ESF1: variants seen among roughly 807,000 people sequenced by gnomAD.
The protein encoded by ESF1 is ESF1 nucleolar pre-rRNA processing protein.
In ESF1, 58 loss-of-function variants were observed where a neutral mutation model predicts 92.0. That is an observed-to-expected ratio of 0.63 (90% CI 0.51 to 0.78). The LOEUF is 0.78. ESF1 is among the 30% of genes least tolerant of loss of function. ESF1 has a pLI of 0.00. For missense variants in ESF1, 922 were observed against 989.1 expected, an observed-to-expected ratio of 0.93 and a Z score of 0.91; for synonymous variants, 321 against 313.7, an observed-to-expected ratio of 1.02 and a Z score of -0.24.
In ESF1 at chr20:13,714,964, C is replaced by T; in HGVS notation, c.2466G>A (p.Lys822=). 1.9e-6 allele frequency: 3 copies of T among 1,613,952 alleles called. No homozygotes were observed. The highest frequency in any genetic ancestry group is 2.5e-6 in the Non-Finnish European group (3 of 1,179,948). Residue 822 remains lysine (K), a synonymous_variant, in exon 14 of 14, where the codon AAG becomes AAA. Transcript: ENST00000617257. Reference sequence around the variant, plus strand: ...ACATTGACAAAGCAGGATCAATGGACTTCCTTTGTGATTCCTTTTCAATCT... The same window carrying T: ...ACATTGACAAAGCAGGATCAATGGATTTCCTTTGTGATTCCTTTTCAATCT... ...ESEIEKESQR[K]SIDPALSMLI...
intron 9 of ESF1, among the ~76,000 whole-genome samples, chr20:13,754,029 C>CT (rs985395947): frequency 3.3e-5 from 5 of 152,052 alleles, no homozygotes; most frequent in African/African-American, 4.8e-5. Context: ...TTTTGAAGTG[C>CT]TTTTTTTTAC....
At chr20:13,717,887 A>C (rs2049840765) in intron 12 of ESF1, among the ~76,000 whole-genome samples, 1 of 151,950 alleles carries the variant, frequency 6.6e-6, no homozygotes, top group Non-Finnish European at 1.5e-5. Flanking sequence ...AAATCTAGCA[A>C]ATGTTTATTT....
chr20:13,760,508 C>T (rs1600285925), intron 8 of ESF1, among the ~76,000 whole-genome samples: 1 of 148,842 alleles, frequency 6.7e-6, no homozygotes, highest in East Asian at 2.1e-4. Context: ...GTGAGGAGAC[C>T]CTCCACCCGG....
At chr20:13,730,186 C>T (rs980731234) in intron 10 of ESF1, among the ~76,000 whole-genome samples, 2 of 151,898 alleles carry the variant, frequency 1.3e-5, no homozygotes, top group Non-Finnish European at 2.9e-5. Flanking sequence ...GATTCGCCTA[C>T]CTCAGCCTCC....
intron 12 of ESF1, among the ~76,000 whole-genome samples, 154 bp downstream of exon 12, chr20:13,718,754 T>TAAAAAACAAAAAACACAAAAAA (rs77388094): frequency 6.6e-6 from 1 of 152,122 alleles, no homozygotes; most frequent in Non-Finnish European, 1.5e-5. Context: ...ATTTAGAAAC[T>TAAAAAACAAAAAACACAAAAAA]ACACTGCTAA....
At chr20:13,754,048 G>C (rs1477008035) in intron 9 of ESF1, among the ~76,000 whole-genome samples, 1 of 152,062 alleles carries the variant, frequency 6.6e-6, no homozygotes, top group Admixed American at 6.6e-5. Flanking sequence ...ACGTGTCATG[G>C]TGCTTGCAAC....
chr20:13,748,579 T>C (rs1978427947), intron 9 of ESF1, among the ~76,000 whole-genome samples: 1 of 64,248 alleles, frequency 1.6e-5, no homozygotes, highest in Admixed American at 2.3e-4. Flanking sequence ...TGTGTGTATA[T>C]ATATATATAT....
At chr20:13,760,480 G>A (rs367737803) in intron 8 of ESF1, among the ~76,000 whole-genome samples, 1,571 of 150,448 alleles carry the variant, frequency 0.01, 31 homozygotes, top group Middle Eastern at 0.035. Flanking sequence ...GTCTCTGCCC[G>A]GCCGCCCCAT....
chr20:13,769,115 G>A (rs1160385804), intron 7 of ESF1, among the ~76,000 whole-genome samples: 1 of 152,072 alleles, frequency 6.6e-6, no homozygotes, highest in African/African-American at 2.4e-5. Flanking sequence ...GTTTAACTGT[G>A]CTGGGAGGTA....
rs1398018440 is a variant in ESF1, at chr20:13,715,099, A to T, written c.2331T>A (p.Asp777Glu). ...TSHLFNLDPS[D>E]PNFKKTKAME... ...TAGCTTTTGTTTTCTTGAAATTGGG[A>T]TCTGAGGGGTCCAAATTGAACAAGT... The change falls in exon 14 of 14, where the codon GAT becomes GAA. Residue 777 changes from aspartate (D) to glutamate (E), a missense_variant. Transcript: ENST00000617257. The T allele has an allele frequency of 1.9e-6, 3 of 1,613,104 alleles. No homozygotes were observed. The South Asian group carries it at 3.3e-5, about 18-fold the overall frequency.
At chr20:13,744,105 A>T (rs1568716240) in intron 9 of ESF1, among the ~76,000 whole-genome samples, 1 of 152,256 alleles carries the variant, frequency 6.6e-6, no homozygotes, top group Non-Finnish European at 1.5e-5. Flanking sequence ...CAATAAAAAG[A>T]GGCCCATGCC....
intron 2 of ESF1, among the ~76,000 whole-genome samples, chr20:13,779,494 ATATATTTAATTAATCTCTTAAT>A: frequency 6.6e-6 from 1 of 152,156 alleles, no homozygotes; most frequent in Admixed American, 6.5e-5. Context: ...AGATGTTTGC[ATATATTTAATTAATCTCTTAAT>A]GATTTGTTAC....
At chr20:13,769,801 CA>C in intron 7 of ESF1, 105 bp downstream of exon 7, 3 of 811,600 alleles carry the variant, frequency 3.7e-6, no homozygotes, top group Non-Finnish European at 4.0e-6. Flanking sequence ...AAAATAATAA[CA>C]AAAAAATTAA....
At chr20:13,747,273 A>G (rs1359154235) in intron 9 of ESF1, among the ~76,000 whole-genome samples, 2 of 151,932 alleles carry the variant, frequency 1.3e-5, no homozygotes, top group East Asian at 1.9e-4. Flanking sequence ...AAAAAAAAAA[A>G]AACAGGGCTG....
chr20:13,763,022 G>A lies in ESF1; in HGVS notation c.1667-3169C>T, dbSNP rs546420419. 433 of 211,326 alleles carry A rather than the reference G, an allele frequency of 2.0e-3. 1 individual carries two copies. The highest frequency in any genetic ancestry group is 2.0e-3 in the Middle Eastern group (1 of 492). 13.1% of individuals were successfully genotyped at this position (211,326 alleles called of 1,614,324 possible). A position where few individuals can be genotyped will look rare whatever the true frequency, so the allele number is the denominator to read the frequency against. On this transcript the variant is annotated intron_variant, in intron 8 of 13. Coordinates refer to ENST00000617257, the MANE Select transcript of ESF1 (RefSeq NM_001276380.2). ...ACTACAGGCGCCCGCCACTACGCCC[G>A]GCTAATTTTTTTGTGTTTTTAGTAG...
rs1464921689 is a variant in ESF1 at position 13,717,502 on chromosome 20, A to C, written c.2128T>G (p.Leu710Val). The C allele has an allele frequency of 3.7e-6, 6 of 1,613,930 alleles. No homozygotes were observed. Among genetic ancestry groups the C allele is most frequent in the South Asian group, 1.1e-5 (1 of 91,064 alleles). Residue 710 changes from leucine to valine, a missense_variant, in exon 13 of 14, where the codon TTG becomes GTG. Coordinates refer to ENST00000617257, the MANE Select transcript of ESF1 (RefSeq NM_001276380.2). ...EIERQKAEMA[L>V]LMMDEDEDSK... ...TCCTCGTCCTCATCCATCATAAGCAAAGCCATTTCAGCCTGTAGAGAGCAA... is the reference window on the plus strand; with the variant it reads ...TCCTCGTCCTCATCCATCATAAGCACAGCCATTTCAGCCTGTAGAGAGCAA...
intron 7 of ESF1, 29 bp downstream of exon 7, chr20:13,769,878 G>A (rs1048131591): frequency 1.5e-6 from 2 of 1,356,414 alleles, no homozygotes; most frequent in African/African-American, 2.9e-5. Context: ...ATAGAGTCCA[G>A]CTACATATTT....
At chr20:13,715,401 A>G (rs1176744639) in intron 13 of ESF1, among the ~76,000 whole-genome samples, 1 of 152,086 alleles carries the variant, frequency 6.6e-6, no homozygotes, top group Admixed American at 6.6e-5. Context: ...ATGTATTTCA[A>G]AGGGAATTAT....
chr20:13,716,714 C>T (rs1288732526), intron 13 of ESF1, among the ~76,000 whole-genome samples: 2 of 146,376 alleles, frequency 1.4e-5, no homozygotes, highest in Admixed American at 6.9e-5. Flanking sequence ...AATCATGGCT[C>T]ACTGCAGGCT....
Sources: allele counts gnomAD v4.1 joint callset (sites outside exome capture counted in the v4.1 genomes callset), GRCh38; gene constraint gnomAD v4.1.1; transcripts MANE v1.5; gene names NCBI Gene and HGNC (gene_info 2026-07-23, HGNC 2026-07-21).